SYNPO2: variants seen among roughly 807,000 people sequenced by gnomAD.
SYNPO2 encodes the protein synaptopodin-2.
Under a neutral mutation model 85.0 loss-of-function variants are expected in SYNPO2, and 56 were observed. That is an observed-to-expected ratio of 0.66 (90% CI 0.53 to 0.82). SYNPO2 has a LOEUF of 0.82. SYNPO2 is among the 40% of genes least tolerant of loss of function. The pLI, the probability that SYNPO2 is intolerant of heterozygous loss-of-function variation, is 0.00. For synonymous variants in SYNPO2, 602 were observed against 591.1 expected (o/e 1.02, Z -0.27); for missense variants, 1,575 against 1,534.2 (o/e 1.03, Z -0.44).
At chr4:119,001,851 C>A (rs541081787) in intron 1 of SYNPO2, among the ~76,000 whole-genome samples, 35 of 147,130 alleles carry the variant, frequency 2.4e-4, no homozygotes, top group Non-Finnish European at 4.8e-4. Context: ...CTGTGTTTAC[C>A]TTTGTCTAGT....
At chr4:119,054,249 GCTCT>G (rs1739139942) in intron 4 of SYNPO2, among the ~76,000 whole-genome samples, 2 of 152,208 alleles carry the variant, frequency 1.3e-5, no homozygotes, top group Admixed American at 1.3e-4. Context: ...GCGTTACAGT[GCTCT>G]CTTAGTTCTG....
rs562819014 is a variant in SYNPO2, at chr4:118,929,991, G to A, written c.105+40850G>A. On this transcript the variant is annotated intron_variant, in intron 1 of 4. Transcript: ENST00000307142. ...GGAATAGATGGTTATAATGATAAAC[G>A]TCTTTAAATTAATGTTCATAATAAT... Among the ~76,000 whole-genome samples the A allele has an allele frequency of 1.4e-3, 216 of 152,118 alleles. 2 individuals carry two copies. Among genetic ancestry groups the A allele is most frequent in the African/African-American group, 4.8e-3 (200 of 41,532 alleles).
chr4:118,916,729 CT>C lies in SYNPO2; in HGVS notation c.105+27606del, dbSNP rs199715189. ...TCCTCTTCCTCTTTTATTTTTCTTT[CT>C]TTTTTTTTTTTTTTTTTCTAGAAAC... On this transcript the variant is annotated intron_variant, in intron 1 of 4. Transcript: ENST00000307142. Among the ~76,000 whole-genome samples, 393 of 117,010 alleles carry C rather than the reference CT, an allele frequency of 3.4e-3. 3 individuals are homozygous for C. Among genetic ancestry groups the C allele is most frequent in the African/African-American group, 0.011 (354 of 30,868 alleles). The allele number at this position is 117,010 out of a possible 152,430, so 76.8% of individuals were successfully genotyped here. A position where few individuals can be genotyped will look rare whatever the true frequency, so the allele number is the denominator to read the frequency against.
chr4:118,870,969 C>T (rs1377139900), intron 1 of SYNPO2, among the ~76,000 whole-genome samples: 1 of 152,164 alleles, frequency 6.6e-6, no homozygotes, highest in South Asian at 2.1e-4. Flanking sequence ...AGGAGAATAT[C>T]AAGGTTCAGA....
At chr4:118,879,175 GCA>G (rs2149109521) in intron 1 of SYNPO2, among the ~76,000 whole-genome samples, 1 of 152,276 alleles carries the variant, frequency 6.6e-6, no homozygotes, top group East Asian at 1.9e-4. Context: ...AACAAACTCT[GCA>G]CACACCATCT....
intron 1 of SYNPO2, among the ~76,000 whole-genome samples, chr4:118,858,400 TG>T (rs1361373955): frequency 1.3e-5 from 2 of 152,256 alleles, no homozygotes; most frequent in African/African-American, 4.8e-5. Context: ...TCACAATTTC[TG>T]ATATGGCTAG....
chr4:118,881,314 A>AAAG (rs906268633), intron 1 of SYNPO2, among the ~76,000 whole-genome samples: 5 of 151,426 alleles, frequency 3.3e-5, no homozygotes, highest in African/African-American at 1.2e-4. Flanking sequence ...AAAAAAAAAA[A>AAAG]AAGAAGAAGA....
intron 1 of SYNPO2, among the ~76,000 whole-genome samples, chr4:118,867,070 G>A (rs908561628): frequency 1.3e-5 from 2 of 151,744 alleles, no homozygotes; most frequent in African/African-American, 2.4e-5. Flanking sequence ...TTGAAATAAC[G>A]TTTTATTGCA....
chr4:118,868,263 A>G (rs1731737699), intron 1 of SYNPO2, among the ~76,000 whole-genome samples: 1 of 152,066 alleles, frequency 6.6e-6, no homozygotes, highest in African/African-American at 2.4e-5. Flanking sequence ...TGATTATTGG[A>G]TTTTTTAAAA....
At chr4:118,879,435 T>C (rs908477071) in intron 1 of SYNPO2, among the ~76,000 whole-genome samples, 5 of 152,150 alleles carry the variant, frequency 3.3e-5, no homozygotes, top group African/African-American at 1.2e-4. Context: ...CTCATGAGGA[T>C]AGAGCCCTTG....
intron 1 of SYNPO2, among the ~76,000 whole-genome samples, chr4:118,970,057 A>G (rs1435267493): frequency 2.6e-5 from 4 of 152,214 alleles, no homozygotes; most frequent in African/African-American, 9.6e-5. Flanking sequence ...TTTAATAATG[A>G]TAGCAAAAAT....
In SYNPO2 at chr4:118,912,619, A is replaced by G. The variant is rs72909247; in HGVS notation, c.105+23478A>G. On this transcript the variant is annotated intron_variant, in intron 1 of 4. Transcript: ENST00000307142. ...GCTGTTCAAATAAAGACTTTTCTAT[A>G]AATTCTAACCATTTTTTCCCTCTAA... Among the ~76,000 whole-genome samples the G allele has an allele frequency of 3.9e-3, 592 of 152,330 alleles. 4 individuals carry two copies. The highest frequency in any genetic ancestry group is 0.013 in the African/African-American group (533 of 41,572).
At chr4:119,007,256 ATATATATATATATATATATG>A (rs1737097248) in intron 1 of SYNPO2, among the ~76,000 whole-genome samples, 1 of 39,250 alleles carries the variant, frequency 2.5e-5, no homozygotes, top group African/African-American at 9.0e-5. Flanking sequence ...GTATATACAT[ATATATATATATATATATATG>A]TATATACATA....
intron 1 of SYNPO2, among the ~76,000 whole-genome samples, chr4:118,904,064 A>T (rs4834713): frequency 2.6e-5 from 4 of 152,026 alleles, no homozygotes; most frequent in Non-Finnish European, 4.4e-5. Context: ...AATTAATTGC[A>T]TATAATTCTG....
chr4:118,856,046 G>A (rs1731498808), intron 1 of SYNPO2, among the ~76,000 whole-genome samples: 1 of 152,052 alleles, frequency 6.6e-6, no homozygotes, highest in Admixed American at 6.5e-5. Context: ...ATAACATAGT[G>A]GATCTATTAT....
chr4:118,861,315 G>A (rs150236581), intron 1 of SYNPO2, among the ~76,000 whole-genome samples: 2,453 of 152,114 alleles, frequency 0.016, 73 homozygotes, highest in African/African-American at 0.052. Flanking sequence ...ACCACACCCG[G>A]CTAATTTTTT....
At chr4:118,881,338 A>G (rs879473674) in intron 1 of SYNPO2, among the ~76,000 whole-genome samples, 12 of 151,812 alleles carry the variant, frequency 7.9e-5, no homozygotes, top group Non-Finnish European at 1.5e-4. Context: ...AGAGGTTAAG[A>G]TATAGACCTG....
At chr4:118,932,647 G>A (rs1047736637) in intron 1 of SYNPO2, among the ~76,000 whole-genome samples, 3 of 152,152 alleles carry the variant, frequency 2.0e-5, no homozygotes, top group African/African-American at 7.2e-5. Context: ...GCAGAAAATG[G>A]TTTTCTCTAC....
At chr4:118,886,312 A>G (rs1280641269), upstream of SYNPO2, among the ~76,000 whole-genome samples, 1 of 152,198 alleles carries the variant, frequency 6.6e-6, no homozygotes, top group African/African-American at 2.4e-5. Flanking sequence ...ATAGGTATAC[A>G]TGTGCCATGG....
Sources: allele counts gnomAD v4.1 joint callset (sites outside exome capture counted in the v4.1 genomes callset), GRCh38; gene constraint gnomAD v4.1.1; transcripts MANE v1.5; gene names NCBI Gene and HGNC (gene_info 2026-07-23, HGNC 2026-07-21).